The following YIPF4 variants were observed in gnomAD, a reference collection of about 807,000 sequenced individuals.
The protein encoded by YIPF4 is protein YIPF4.
In YIPF4, 18 loss-of-function variants were observed where a neutral mutation model predicts 29.4. That is an observed-to-expected ratio of 0.61 (90% CI 0.42 to 0.91). YIPF4 has a LOEUF of 0.91. Among genes scored for constraint, YIPF4 ranks in the 40% least tolerant of loss-of-function variants. The pLI is 0.00. For missense variants in YIPF4, 279 were observed against 282.7 expected, an observed-to-expected ratio of 0.99 and a Z score of 0.09; for synonymous variants, 115 against 104.7, an observed-to-expected ratio of 1.10 and a Z score of -0.60.
At chr2:32,303,964 T>C (rs1031184525) in intron 5 of YIPF4, among the ~76,000 whole-genome samples, 5 of 152,208 alleles carry the variant, frequency 3.3e-5, no homozygotes, top group African/African-American at 9.6e-5. Flanking sequence ...TTAAAACTAT[T>C]GTTCTGTGGT....
intron 3 of YIPF4, among the ~76,000 whole-genome samples, chr2:32,294,464 C>T (rs1405230123): frequency 2.7e-5 from 4 of 148,264 alleles, no homozygotes; most frequent in South Asian, 2.2e-4. Flanking sequence ...ACATCTCAGA[C>T]GATGGGCGGC....
At chr2:32,289,327 C>T (rs2030815742) in intron 1 of YIPF4, among the ~76,000 whole-genome samples, 1 of 152,154 alleles carries the variant, frequency 6.6e-6, no homozygotes, top group Non-Finnish European at 1.5e-5. Flanking sequence ...AACTTAATTG[C>T]AGGAGTTGTC....
intron 1 of YIPF4, among the ~76,000 whole-genome samples, chr2:32,289,102 T>G (rs2030808050): frequency 6.6e-6 from 1 of 152,206 alleles, no homozygotes; most frequent in African/African-American, 2.4e-5. Context: ...TATGATAACA[T>G]GTACAGGGAT....
intron 5 of YIPF4, 83 bp from the exon 6 acceptor site, chr2:32,305,406 A>G (rs951679271): frequency 5.9e-6 from 8 of 1,361,628 alleles, no homozygotes; most frequent in Non-Finnish European, 7.6e-6. Context: ...AAATATTGTA[A>G]ACACCATTTT....
rs577137760 is a variant in YIPF4, at chr2:32,292,221, G to A, written c.278G>A (p.Arg93Gln). The A allele has an allele frequency of 6.9e-6, 11 of 1,592,264 alleles. No individual in the cohort carries two copies. The highest frequency in any genetic ancestry group is 2.3e-5 in the South Asian group (2 of 85,978). ...IDLKDIYYKI[R>Q]CVLMPMPSLG... ...CTAAAGGATATTTACTACAAAATCC[G>A]ATGTGTTTTGATGCCAATGCCATCA... is the stretch of plus-strand genomic sequence containing the variant. The change falls in exon 3 of 6, where the codon CGA (arginine) becomes CAA (glutamine). Residue 93 changes from arginine to glutamine, a missense_variant. Transcript: ENST00000238831.
At chr2:32,281,913 A>AAAAAAAAAG (rs1558472895) in intron 1 of YIPF4, among the ~76,000 whole-genome samples, 5 of 123,492 alleles carry the variant, frequency 4.0e-5, no homozygotes, top group African/African-American at 1.7e-4. Flanking sequence ...AAAAAAAAAA[A>AAAAAAAAAG]AAGGCAACCA....
chr2:32,281,825 G>T (rs1274073162), intron 1 of YIPF4, among the ~76,000 whole-genome samples: 1 of 150,024 alleles, frequency 6.7e-6, no homozygotes, highest in African/African-American at 2.4e-5. Context: ...AACCCAGAAG[G>T]CAGAGGTTGC....
In YIPF4 at chr2:32,305,852, A is replaced by G. The variant is rs912025615; in HGVS notation, c.*226A>G. 1.0e-5 allele frequency: 12 copies of G among 1,154,896 alleles called. No individual in the cohort carries two copies. The African/African-American group carries it at 1.4e-4, about 14-fold the overall frequency. 71.5% of individuals were successfully genotyped at this position (1,154,896 alleles called of 1,614,324 possible). On this transcript the variant is annotated 3_prime_UTR_variant, in exon 6 of 6. Transcript: ENST00000238831. The stretch of plus-strand genomic sequence containing the variant: ...TTTTAAATTCTGTTTGATTCTCCAT[A>G]TTCCAGTGAATAAAATACAAAAGCA...
At chr2:32,281,914 A>ATT (rs1553351917) in intron 1 of YIPF4, among the ~76,000 whole-genome samples, 33 of 145,514 alleles carry the variant, frequency 2.3e-4, no homozygotes, top group African/African-American at 6.5e-4. Flanking sequence ...AAAAAAAAAA[A>ATT]AGGCAACCAT....
In YIPF4 at chr2:32,316,025, G is replaced by GAAAAA. The variant is rs57634916; in HGVS notation, c.*10410_*10414dup. ...GCGAGACCCCGTTCTCCCCAAAAAG[G>GAAAAA]AAAAAAAAAAAAAAACCAAAAAAAA... On this transcript the variant is annotated 3_prime_UTR_variant, in exon 6 of 6. Coordinates refer to ENST00000238831, the MANE Select transcript of YIPF4 (RefSeq NM_032312.4). The GAAAAA allele has an allele frequency of 1.6e-5, 1 of 62,054 alleles. No homozygotes were observed. The allele number at this position is 62,054 out of a possible 1,614,324, so 3.8% of individuals were successfully genotyped here. A position where few individuals can be genotyped will look rare whatever the true frequency, so the allele number is the denominator to read the frequency against.
At chr2:32,291,294 G>A (rs185615300) in intron 2 of YIPF4, among the ~76,000 whole-genome samples, 170 of 152,338 alleles carry the variant, frequency 1.1e-3, no homozygotes, top group Middle Eastern at 6.8e-3. Flanking sequence ...CGGCACTTTG[G>A]GAGGCCGAGG....
chr2:32,296,354 C>T (rs2031180892), intron 3 of YIPF4, among the ~76,000 whole-genome samples: 1 of 151,850 alleles, frequency 6.6e-6, no homozygotes, highest in African/African-American at 2.4e-5. Context: ...TGCCTGTAAT[C>T]CCAGCTACTC....
chr2:32,307,129 T>A lies in YIPF4; in HGVS notation c.*1503T>A. On this transcript the variant is annotated 3_prime_UTR_variant, in exon 6 of 6. Transcript: ENST00000238831. ...GTGAGAAGCACCAGAGGGACAGGAC[T>A]TCTAGAAGTTAGAATAATATGAAGT... The A allele has an allele frequency of 5.4e-6, 7 of 1,299,634 alleles. No homozygotes were observed. The highest frequency in any genetic ancestry group is 7.1e-6 in the Non-Finnish European group (7 of 987,364). The allele number at this position is 1,299,634 out of a possible 1,614,324, so 80.5% of individuals were successfully genotyped here. A position where few individuals can be genotyped will look rare whatever the true frequency, so the allele number is the denominator to read the frequency against.
At chr2:32,305,109 T>C (rs191799618) in intron 5 of YIPF4, among the ~76,000 whole-genome samples, 32 of 152,252 alleles carry the variant, frequency 2.1e-4, no homozygotes, top group Admixed American at 3.9e-4. Context: ...TTTCAAAAGT[T>C]GCCTAATCAT....
Position 32,315,572 on chromosome 2 carries a change from AC to A in YIPF4, c.*9950del, listed in dbSNP as rs1490146013. On this transcript the variant is annotated 3_prime_UTR_variant, in exon 6 of 6. Coordinates refer to ENST00000238831, the MANE Select transcript of YIPF4 (RefSeq NM_032312.4). ...AGACCATCCTGGTTAACGTGGTGAAACCCCGTCTCTACTAAACATATAAAAA... is the reference window on the plus strand; with the variant it reads ...AGACCATCCTGGTTAACGTGGTGAAACCCGTCTCTACTAAACATATAAAAA... The A allele has an allele frequency of 6.6e-6, 1 of 151,670 alleles. No homozygotes were observed. The highest frequency in any genetic ancestry group is 1.5e-5 in the Non-Finnish European group (1 of 68,006). The allele number at this position is 151,670 out of a possible 1,614,324, so 9.4% of individuals were successfully genotyped here. A position where few individuals can be genotyped will look rare whatever the true frequency, so the allele number is the denominator to read the frequency against.
chr2:32,296,778 C>G (rs947566868), intron 3 of YIPF4, among the ~76,000 whole-genome samples: 2 of 152,180 alleles, frequency 1.3e-5, no homozygotes, highest in African/African-American at 4.8e-5. Flanking sequence ...TATGGAGGTA[C>G]TTTGCAACTA....
At chr2:32,302,963 C>T (rs2148967337) in intron 5 of YIPF4, among the ~76,000 whole-genome samples, 1 of 152,026 alleles carries the variant, frequency 6.6e-6, no homozygotes, top group African/African-American at 2.4e-5. Context: ...CTGGTTCTGC[C>T]ACTTACTTGC....
chr2:32,290,877 A>C (rs1045766920), intron 2 of YIPF4: 1 of 202,692 alleles, frequency 4.9e-6, no homozygotes, highest in Non-Finnish European at 9.8e-6. Flanking sequence ...TGTCTACTCC[A>C]GCTTACCTGG....
chr2:32,285,742 A>G (rs111594663), intron 1 of YIPF4, among the ~76,000 whole-genome samples: 11,631 of 145,802 alleles, frequency 0.08, 558 homozygotes, highest in Admixed American at 0.16. Flanking sequence ...TGCAACCTCC[A>G]CCTCCCAGGC....
Sources: allele counts gnomAD v4.1 joint callset (sites outside exome capture counted in the v4.1 genomes callset), GRCh38; gene constraint gnomAD v4.1.1; transcripts MANE v1.5; gene names NCBI Gene and HGNC (gene_info 2026-07-23, HGNC 2026-07-21).